Variants in CFAP263 observed in about 807,000 individuals in gnomAD.
CFAP263 encodes the protein cilia- and flagella-associated protein 263.
the CFAP263 span, among the ~76,000 whole-genome samples, chr16:58,260,891 A>G: frequency 6.6e-6 from 1 of 152,276 alleles, no homozygotes; most frequent in Admixed American, 6.5e-5. Flanking sequence ...TTGATCCCCC[A>G]AAATATCTGT....
the CFAP263 span, chr16:58,280,876 G>C: frequency 3.3e-6 from 3 of 914,624 alleles, no homozygotes; most frequent in Non-Finnish European, 3.2e-6. Context: ...ACTGGAAATG[G>C]GGCAAATTAT....
At chr16:58,259,758 G>C in the CFAP263 span, 3 of 667,158 alleles carry the variant, frequency 4.5e-6, no homozygotes, top group Non-Finnish European at 5.1e-6. Flanking sequence ...AGGGCTCAAG[G>C]TTTGGTTTGC....
the CFAP263 span, among the ~76,000 whole-genome samples, chr16:58,277,974 A>G: frequency 6.6e-6 from 1 of 152,186 alleles, no homozygotes; most frequent in Non-Finnish European, 1.5e-5. Context: ...CTGTTTTACA[A>G]GACAAAAAGA....
the CFAP263 span, among the ~76,000 whole-genome samples, chr16:58,256,766 C>A: frequency 1.3e-5 from 2 of 151,880 alleles, no homozygotes; most frequent in South Asian, 4.2e-4. Context: ...TCTTGGTGTT[C>A]AGAAAAAAAG....
chr16:58,258,212 T>C, the CFAP263 span, among the ~76,000 whole-genome samples: 1 of 152,088 alleles, frequency 6.6e-6, no homozygotes, highest in Non-Finnish European at 1.5e-5. Context: ...ATAACATTGA[T>C]ATAGTCAAGT....
the CFAP263 span, among the ~76,000 whole-genome samples, chr16:58,259,222 T>C: frequency 5.3e-5 from 8 of 152,112 alleles, no homozygotes; most frequent in African/African-American, 1.9e-4. Flanking sequence ...TTTTTCAAAA[T>C]TTTAAAAAAA....
the CFAP263 span, among the ~76,000 whole-genome samples, chr16:58,266,116 T>C: frequency 2.6e-5 from 4 of 152,008 alleles, no homozygotes; most frequent in African/African-American, 9.7e-5. Flanking sequence ...GGTCTGAAAA[T>C]AGGAGTGGGG....
the CFAP263 span, chr16:58,254,195 G>C: frequency 1.9e-6 from 3 of 1,611,560 alleles, no homozygotes; most frequent in South Asian, 3.3e-5. Flanking sequence ...GTCCTGCCCA[G>C]GCTCCCCACC....
chr16:58,261,861 C>T, the CFAP263 span, among the ~76,000 whole-genome samples: 84,916 of 152,040 alleles, frequency 0.56, 24,151 homozygotes, highest in African/African-American at 0.64. Flanking sequence ...GAACCTTATA[C>T]ACTCATGCAC....
At chr16:58,262,341 C>T in the CFAP263 span, 2 of 1,553,312 alleles carry the variant, frequency 1.3e-6, no homozygotes, top group South Asian at 2.3e-5. Context: ...CATTCAGAAT[C>T]ACAACTGACG....
chr16:58,258,979 G>GA, the CFAP263 span, among the ~76,000 whole-genome samples: 2 of 138,474 alleles, frequency 1.4e-5, no homozygotes, highest in South Asian at 2.2e-4. Flanking sequence ...CTCCGTCTCA[G>GA]AAAAAATAAA....
chr16:58,262,637 G>T, the CFAP263 span: 9 of 1,219,402 alleles, frequency 7.4e-6, no homozygotes, highest in African/African-American at 1.4e-4. Flanking sequence ...TTCACACAGC[G>T]TTTGGGTGCC....
the CFAP263 span, among the ~76,000 whole-genome samples, chr16:58,260,389 G>T: frequency 2.6e-5 from 4 of 152,166 alleles, no homozygotes; most frequent in Non-Finnish European, 5.9e-5. Context: ...CTGACCTCCA[G>T]AACTGTAAGA....
the CFAP263 span, chr16:58,267,717 A>G: frequency 4.8e-6 from 3 of 622,772 alleles, no homozygotes; most frequent in Admixed American, 5.9e-5. Flanking sequence ...AAAAATCAAA[A>G]TAGCTCTGGG....
chr16:58,280,882 A>C, the CFAP263 span: 1 of 836,260 alleles, frequency 1.2e-6, no homozygotes, highest in East Asian at 2.7e-5. Flanking sequence ...AATGGGGCAA[A>C]TTATAGGATA....
At chr16:58,252,433 C>G in the CFAP263 span, among the ~76,000 whole-genome samples, 1 of 151,714 alleles carries the variant, frequency 6.6e-6, no homozygotes, top group East Asian at 1.9e-4. Context: ...GAAGATGAAA[C>G]CTATGAGAAT....
the CFAP263 span, among the ~76,000 whole-genome samples, chr16:58,256,518 T>G: frequency 6.6e-6 from 1 of 152,046 alleles, no homozygotes; most frequent in African/African-American, 2.4e-5. Flanking sequence ...GAGGCCGGTG[T>G]GATTAGAGAA....
the CFAP263 span, among the ~76,000 whole-genome samples, chr16:58,270,051 C>T: frequency 3.9e-3 from 597 of 152,246 alleles, 4 homozygotes; most frequent in Middle Eastern, 0.01. Flanking sequence ...AGTGATAGCT[C>T]GTTGTGGTTT....
chr16:58,266,395 ATATATATATATTTTTTTTTTTT>A, the CFAP263 span, among the ~76,000 whole-genome samples: 20 of 36,486 alleles, frequency 5.5e-4, no homozygotes, highest in Non-Finnish European at 8.9e-4. Flanking sequence ...ATATATATAT[ATATATATATATTTTTTTTTTTT>A]TTTTTTTTTT....
Sources: gnomAD v4.1 joint callset for allele counts (sites outside exome capture counted in the v4.1 genomes callset) on GRCh38, gnomAD v4.1.1 for gene constraint, MANE v1.5 for transcripts, NCBI Gene and HGNC (gene_info 2026-07-23, HGNC 2026-07-21) for gene names.